The following ZPBP variants were observed in gnomAD, a reference collection of about 807,000 sequenced individuals.
ZPBP encodes the protein zona pellucida binding protein.
In ZPBP, 26 loss-of-function variants were observed where a neutral mutation model predicts 44.8. That is an observed-to-expected ratio of 0.58 (90% CI 0.43 to 0.81). The LOEUF (loss-of-function observed/expected upper bound fraction) is 0.81, where lower values mean the gene tolerates loss of function less well. Ranked by LOEUF, ZPBP falls within the 30% of genes least tolerant of loss-of-function variation. ZPBP has a pLI of 0.00. For missense variants in ZPBP, 409 were observed against 434.0 expected (o/e 0.94, Z 0.51); for synonymous variants, 174 against 153.2 (o/e 1.14, Z -1.00).
At chr7:49,866,286 T>A (rs1190752493) in intron 2 of ZPBP, among the ~76,000 whole-genome samples, 1 of 152,214 alleles carries the variant, frequency 6.6e-6, no homozygotes, top group African/African-American at 2.4e-5. Flanking sequence ...CTGTGCCAGG[T>A]GTCTTGCTAT....
chr7:50,084,896 T>C (rs145301974), intron 2 of ZPBP, among the ~76,000 whole-genome samples: 270 of 152,156 alleles, frequency 1.8e-3, no homozygotes, highest in Middle Eastern at 3.4e-3. Context: ...AGAAAAAACA[T>C]TTCCAGAACT....
intron 5 of ZPBP, among the ~76,000 whole-genome samples, chr7:50,028,442 G>A (rs10269039): frequency 0.27 from 40,802 of 151,846 alleles, 6,095 homozygotes; most frequent in Non-Finnish European, 0.35. Context: ...TGCCAATTGT[G>A]CCACTTCTAC....
intron 6 of ZPBP, among the ~76,000 whole-genome samples, chr7:49,997,144 T>C (rs1423281534): frequency 4.6e-5 from 7 of 152,184 alleles, no homozygotes; most frequent in Admixed American, 4.6e-4. Context: ...AGGTCTTAAA[T>C]CACAAATTGA....
intron 5 of ZPBP, among the ~76,000 whole-genome samples, chr7:50,025,612 C>T (rs944572222): frequency 1.3e-4 from 20 of 151,730 alleles, no homozygotes; most frequent in Middle Eastern, 3.2e-3. Flanking sequence ...ATACCTTTCA[C>T]CAAAATTAAC....
downstream of ZPBP, among the ~76,000 whole-genome samples, chr7:49,933,251 C>T (rs745433910): frequency 3.3e-5 from 5 of 150,356 alleles, no homozygotes; most frequent in Non-Finnish European, 5.9e-5. Flanking sequence ...AAAATGTTAA[C>T]ACTGCTGACA....
intron 2 of ZPBP, among the ~76,000 whole-genome samples, chr7:50,082,981 T>G (rs1012125420): frequency 7.2e-5 from 11 of 151,856 alleles, no homozygotes; most frequent in Non-Finnish European, 1.6e-4. Context: ...TATACCTCTT[T>G]TCACACCCTC....
At chr7:49,939,835 A>T (rs1463154643) in intron 7 of ZPBP, among the ~76,000 whole-genome samples, 1 of 152,168 alleles carries the variant, frequency 6.6e-6, no homozygotes, top group Non-Finnish European at 1.5e-5. Flanking sequence ...GTGAGTGGTC[A>T]CATACTTTGT....
At chr7:49,919,180 G>A (rs1793890048) in intron 1 of ZPBP, 1 of 152,146 alleles carries the variant, frequency 6.6e-6, no homozygotes, top group South Asian at 2.1e-4. Flanking sequence ...CTTCCCTGGG[G>A]AGCAGCTGTG....
intron 1 of ZPBP, among the ~76,000 whole-genome samples, chr7:49,904,554 TA>T (rs1442660968): frequency 2.0e-5 from 3 of 152,192 alleles, no homozygotes; most frequent in African/African-American, 7.2e-5. Flanking sequence ...AGGAAGGCTT[TA>T]AAAAATTTCA....
intron 6 of ZPBP, among the ~76,000 whole-genome samples, chr7:49,990,386 A>G (rs1300217204): frequency 1.3e-5 from 2 of 152,202 alleles, no homozygotes; most frequent in Non-Finnish European, 2.9e-5. Context: ...CACCAGACTC[A>G]GGGATACAAG....
intron 4 of ZPBP, among the ~76,000 whole-genome samples, chr7:50,052,048 T>A (rs1397691282): frequency 3.3e-5 from 5 of 152,074 alleles, no homozygotes; most frequent in Non-Finnish European, 7.4e-5. Flanking sequence ...AGGCAAATAA[T>A]TTTTCATCTT....
intron 3 of ZPBP, among the ~76,000 whole-genome samples, chr7:50,068,583 A>G (rs994970400): frequency 2.6e-5 from 4 of 152,192 alleles, no homozygotes; most frequent in Non-Finnish European, 5.9e-5. Flanking sequence ...ACCTGCGTTC[A>G]TGCCTCCTTG....
intron 2 of ZPBP, among the ~76,000 whole-genome samples, chr7:49,859,363 C>A (rs1260991447): frequency 1.3e-5 from 2 of 152,042 alleles, no homozygotes; most frequent in Non-Finnish European, 2.9e-5. Flanking sequence ...CCTTAGGTAA[C>A]AAGGCTGTTC....
intron 7 of ZPBP, among the ~76,000 whole-genome samples, chr7:49,946,229 G>A (rs903390057): frequency 5.9e-5 from 9 of 151,832 alleles, no homozygotes; most frequent in Non-Finnish European, 8.8e-5. Flanking sequence ...CTTTCTACTC[G>A]AGATATGAGT....
intron 3 of ZPBP, among the ~76,000 whole-genome samples, chr7:50,068,391 G>C (rs1252225191): frequency 6.6e-6 from 1 of 151,400 alleles, no homozygotes; most frequent in African/African-American, 2.4e-5. Flanking sequence ...AGGTGCAGGG[G>C]GTCTTGGGTT....
At chr7:49,981,679 A>AT (rs1440403790) in intron 7 of ZPBP, among the ~76,000 whole-genome samples, 8,061 of 40,766 alleles carry the variant, frequency 0.2, 2,369 homozygotes, top group East Asian at 0.5. Context: ...TATATATTAT[A>AT]TATAATAATA....
chr7:49,961,979 C>T (rs968994573), intron 7 of ZPBP, among the ~76,000 whole-genome samples: 1 of 151,828 alleles, frequency 6.6e-6, no homozygotes, highest in African/African-American at 2.4e-5. Context: ...ATTTCATTTC[C>T]AAAGAGCCAT....
At chr7:50,015,517 G>C (rs1038307156) in intron 6 of ZPBP, among the ~76,000 whole-genome samples, 1 of 152,012 alleles carries the variant, frequency 6.6e-6, no homozygotes, top group African/African-American at 2.4e-5. Context: ...TCATGATGAA[G>C]TCTCCAAATG....
At chr7:49,896,906 T>G (rs1030420240) in intron 2 of ZPBP, among the ~76,000 whole-genome samples, 1 of 67,370 alleles carries the variant, frequency 1.5e-5, no homozygotes, top group African/African-American at 6.1e-5. Context: ...TTTTTTTTTT[T>G]GAGACGGAGT....
Sources: gnomAD v4.1 joint callset for allele counts (sites outside exome capture counted in the v4.1 genomes callset) on GRCh38, gnomAD v4.1.1 for gene constraint, MANE v1.5 for transcripts, NCBI Gene and HGNC (gene_info 2026-07-23, HGNC 2026-07-21) for gene names.